Variants in WDSUB1 observed in about 807,000 individuals in gnomAD.
WDSUB1 encodes WD repeat, SAM and U-box domain-containing protein 1.
WDSUB1 carries 49 observed loss-of-function variants against 53.9 expected under a neutral mutation model. The observed-to-expected ratio is 0.91, with a 90% CI of 0.72 to 1.15. WDSUB1 has a LOEUF of 1.15. Ranked by LOEUF, WDSUB1 falls within the 50% of genes most tolerant of loss-of-function variation. The pLI, the probability that WDSUB1 is intolerant of heterozygous loss-of-function variation, is 0.00. For synonymous variants in WDSUB1, 194 were observed against 200.6 expected, an observed-to-expected ratio of 0.97 and a Z score of 0.28; for missense variants, 514 against 562.0, an observed-to-expected ratio of 0.91 and a Z score of 0.86.
chr2:159,263,593 T>TG (rs1173095663), intron 5 of WDSUB1, among the ~76,000 whole-genome samples: 1 of 152,144 alleles, frequency 6.6e-6, no homozygotes, highest in Non-Finnish European at 1.5e-5. Context: ...ACCCAATGCT[T>TG]GGGGAAAAAG....
intron 10 of WDSUB1, among the ~76,000 whole-genome samples, chr2:159,239,211 C>T (rs2060573689): frequency 6.7e-6 from 1 of 148,942 alleles, no homozygotes; most frequent in African/African-American, 2.6e-5. Context: ...CATTACGTTG[C>T]CCAGGCTGGT....
intron 10 of WDSUB1, 115 bp downstream of exon 10, chr2:159,248,253 AGTTT>A (rs2060864586): frequency 6.0e-6 from 7 of 1,165,232 alleles, no homozygotes; most frequent in South Asian, 4.6e-5. Context: ...AGGTTTAATT[AGTTT>A]AAGAAAAAAC....
At chr2:159,270,741 T>C (rs1370929580) in intron 5 of WDSUB1, among the ~76,000 whole-genome samples, 1 of 152,046 alleles carries the variant, frequency 6.6e-6, no homozygotes, top group African/African-American at 2.4e-5. Flanking sequence ...CCTCAGAACA[T>C]AAAGAAGCTG....
chr2:159,280,690 C>CAA (rs58584838), intron 2 of WDSUB1, among the ~76,000 whole-genome samples: 17 of 59,590 alleles, frequency 2.9e-4, no homozygotes, highest in African/African-American at 1.3e-3. Context: ...GACTCCGTCT[C>CAA]AAAAAAAAAA....
chr2:159,257,955 G>A lies in WDSUB1; in HGVS notation c.835C>T (p.Gln279Ter). ...AGGTTAAGTTCAGACCTGGTGTGCT[G>A]AGTCAATGTGTGAAGTATATTCTCA... ...NTENILHTLT[Q>*]HTRYVTTCAF... The change falls in exon 7 of 11, where the codon CAG becomes TAG. Residue 279 changes from glutamine (Q) to a stop codon, truncating the protein, a stop_gained. Coordinates refer to ENST00000359774, the MANE Select transcript of WDSUB1 (RefSeq NM_001128212.3). LOFTEE classifies it high-confidence loss of function. 6.2e-7 allele frequency: 1 copy of A among 1,613,444 alleles called. No individual in the cohort carries two copies. Among genetic ancestry groups the A allele is most frequent in the African/African-American group, 1.3e-5 (1 of 75,008 alleles).
At position 159,247,924 on chromosome 2, in the gene WDSUB1, TATAAATATATATATATATAA is replaced by T. The variant is rs1559532258; in HGVS notation, c.1273+428_1273+447del. ...ATATATATATAAATATATATATATATATAAATATATATATATATAAAATTTGGATTCACTGATTACAACTA... is the reference window on the plus strand; with the variant it reads ...ATATATATATAAATATATATATATATAATTTGGATTCACTGATTACAACTA... On this transcript the variant is annotated intron_variant, in intron 10 of 10. Coordinates refer to ENST00000359774, the MANE Select transcript of WDSUB1 (RefSeq NM_001128212.3). 2.0e-3 allele frequency among the ~76,000 whole-genome samples: 153 copies of T among 74,766 alleles called. 2 individuals carry two copies. The highest frequency in any genetic ancestry group is 0.011 in the African/African-American group (147 of 13,232). 49.0% of individuals were successfully genotyped at this position (74,766 alleles called of 152,430 possible). A position where few individuals can be genotyped will look rare whatever the true frequency, so the allele number is the denominator to read the frequency against.
At position 159,275,706 on chromosome 2, in the gene WDSUB1, CTTATACTAAGATCTATTAA is replaced by C. The variant is rs1018641693; in HGVS notation, c.584-87_584-69del. 5.7e-6 allele frequency: 7 copies of C among 1,228,058 alleles called. No homozygotes were observed. In the Admixed American group the frequency reaches 1.6e-4, roughly 28 times the overall value. The allele number at this position is 1,228,058 out of a possible 1,614,324, so 76.1% of individuals were successfully genotyped here. On this transcript the variant is annotated intron_variant, in intron 3 of 10. Transcript: ENST00000359774. Reference sequence around the variant, plus strand: ...TGAAACCCCCCCAAAATTCCCATTTCTTATACTAAGATCTATTAATTCTACTCATTTAAACCATGTTCAC... The same window carrying C: ...TGAAACCCCCCCAAAATTCCCATTTCTTCTACTCATTTAAACCATGTTCAC...
intron 5 of WDSUB1, among the ~76,000 whole-genome samples, chr2:159,271,317 T>G (rs1477102819): frequency 1.3e-5 from 2 of 152,168 alleles, no homozygotes; most frequent in African/African-American, 4.8e-5. Context: ...AACATTAAAA[T>G]GAACTATTAT....
At chr2:159,247,903 ATATATAAATAT>A (rs2060844076) in intron 10 of WDSUB1, among the ~76,000 whole-genome samples, 1 of 18,126 alleles carries the variant, frequency 5.5e-5, no homozygotes, top group Non-Finnish European at 1.4e-4. Context: ...ATATATATAT[ATATATAAATAT>A]ATATATATAT....
intron 5 of WDSUB1, among the ~76,000 whole-genome samples, chr2:159,267,272 C>T (rs2061364048): frequency 6.6e-6 from 1 of 151,128 alleles, no homozygotes; most frequent in African/African-American, 2.4e-5. Flanking sequence ...ATGCCATACA[C>T]ACCTTCATTA....
chr2:159,270,486 C>G (rs923992102), intron 5 of WDSUB1, among the ~76,000 whole-genome samples: 2 of 152,102 alleles, frequency 1.3e-5, no homozygotes, highest in Admixed American at 6.6e-5. Context: ...AGAGCAAGGA[C>G]AGAAACAGAA....
Position 159,282,736 on chromosome 2 carries a change from A to G in WDSUB1, c.334T>C (p.Leu112=), listed in dbSNP as rs765124915. The change falls in exon 2 of 11, where the codon TTG becomes CTG. Residue 112 remains leucine (L), a synonymous_variant. Coordinates refer to ENST00000359774, the MANE Select transcript of WDSUB1 (RefSeq NM_001128212.3). ...VCQFSPDSTC[L]ASGAADGTVV... Reference sequence around the variant, plus strand: ...GTTCCATCAGCTGCCCCTGATGCCAAACACGTGGAGTCTGGGGAAAACTGG... The same window carrying G: ...GTTCCATCAGCTGCCCCTGATGCCAGACACGTGGAGTCTGGGGAAAACTGG... 16 of 1,614,024 alleles carry G rather than the reference A, an allele frequency of 9.9e-6. No individual in the cohort carries two copies. The East Asian group carries it at 3.6e-4, about 36-fold the overall frequency.
chr2:159,270,731 C>T (rs1481802834), intron 5 of WDSUB1, among the ~76,000 whole-genome samples: 1 of 152,130 alleles, frequency 6.6e-6, no homozygotes, highest in Non-Finnish European at 1.5e-5. Context: ...ATCTTCATGA[C>T]CTCAGAACAT....
At chr2:159,258,872 A>G (rs2061127147) in intron 6 of WDSUB1, among the ~76,000 whole-genome samples, 2 of 152,142 alleles carry the variant, frequency 1.3e-5, no homozygotes, top group Admixed American at 6.5e-5. Context: ...CTGCCAGAAC[A>G]CTCAGTGACT....
intron 2 of WDSUB1, among the ~76,000 whole-genome samples, 159 bp downstream of exon 2, chr2:159,282,513 T>C (rs991468350): frequency 2.6e-5 from 4 of 152,192 alleles, no homozygotes; most frequent in African/African-American, 4.8e-5. Context: ...TTTTTCCTTG[T>C]GCTACCTGAA....
intron 5 of WDSUB1, 70 bp from the exon 6 acceptor site, chr2:159,259,913 T>G: frequency 1.5e-6 from 2 of 1,344,914 alleles, no homozygotes; most frequent in Non-Finnish European, 1.0e-6. Context: ...TAATTAGTAT[T>G]TTTAAGTAAT....
chr2:159,256,417 T>A, intron 8 of WDSUB1, 42 bp from the exon 9 acceptor site: 1 of 1,556,998 alleles, frequency 6.4e-7, no homozygotes, highest in Non-Finnish European at 8.7e-7. Context: ...CAAAAAAGTA[T>A]TTCCTTTATA....
rs568605533 is a variant in WDSUB1 at position 159,282,437 on chromosome 2, CT to C, written c.398+234del. 8.1e-3 allele frequency among the ~76,000 whole-genome samples: 1,235 copies of C among 152,334 alleles called. 12 individuals are homozygous for C. The highest frequency in any genetic ancestry group is 0.023 in the African/African-American group (954 of 41,564). On this transcript the variant is annotated intron_variant, in intron 2 of 10. Coordinates refer to ENST00000359774, the MANE Select transcript of WDSUB1 (RefSeq NM_001128212.3). ...TCGATCTCCTGACCTCGTGATCCGC[CT>C]GCCTTGGCCTCCCAAAGTGCTGGGA...
chr2:159,276,358 C>T (rs59512323), intron 3 of WDSUB1, among the ~76,000 whole-genome samples: 1 of 152,150 alleles, frequency 6.6e-6, no homozygotes, highest in Non-Finnish European at 1.5e-5. Flanking sequence ...CTGCACTGGC[C>T]TAAAGTCATA....
Sources: gnomAD v4.1 joint callset for allele counts (sites outside exome capture counted in the v4.1 genomes callset) on GRCh38, gnomAD v4.1.1 for gene constraint, MANE v1.5 for transcripts, NCBI Gene and HGNC (gene_info 2026-07-23, HGNC 2026-07-21) for gene names.